The following XRCC3 variants were observed in gnomAD, a reference collection of about 807,000 sequenced individuals.
XRCC3 encodes X-ray repair cross complementing 3, also known as DNA repair protein XRCC3.
A neutral mutation model predicts 29.2 loss-of-function variants in XRCC3; 34 were observed. That is an observed-to-expected ratio of 1.16 (90% CI 0.88 to 1.55). The LOEUF (loss-of-function observed/expected upper bound fraction) is 1.55, where lower values mean the gene tolerates loss of function less well. Among genes scored for constraint, XRCC3 ranks in the 40% most tolerant of loss-of-function variants. XRCC3 has a pLI of 0.00. For synonymous variants in XRCC3, 223 were observed against 211.3 expected (o/e 1.06, Z -0.48); for missense variants, 463 against 467.6 (o/e 0.99, Z 0.09).
At chr14:103,712,574 C>T (rs1261765320) in intron 2 of XRCC3, 1 of 152,654 alleles carries the variant, frequency 6.6e-6, no homozygotes, top group African/African-American at 2.4e-5. Context: ...GGAGTATGAA[C>T]CTCGCACCTG....
intron 6 of XRCC3, chr14:103,704,465 G>A (rs541750807): frequency 6.6e-6 from 1 of 152,402 alleles, no homozygotes; most frequent in Non-Finnish European, 1.5e-5. Context: ...GGAGTGCAGT[G>A]GTGCGATCTC....
intron 6 of XRCC3, chr14:103,705,103 T>A (rs2083387772): frequency 6.6e-6 from 1 of 152,226 alleles, no homozygotes; most frequent in African/African-American, 2.4e-5. Flanking sequence ...CCATTCTGTG[T>A]CAGAACTAAG....
At chr14:103,701,354 A>C in intron 7 of XRCC3, 2 of 756,536 alleles carry the variant, frequency 2.6e-6, no homozygotes, top group Non-Finnish European at 2.1e-6. Context: ...GATACTAATA[A>C]CCACACGGCT....
At chr14:103,712,465 C>T (rs934558819) in intron 2 of XRCC3, 1 of 152,682 alleles carries the variant, frequency 6.5e-6, no homozygotes, top group African/African-American at 2.4e-5. Context: ...CCAGGGAAGA[C>T]ACTACACTGC....
chr14:103,699,201 C>G, intron 8 of XRCC3, 22 bp from the exon 9 acceptor site: 2 of 1,553,930 alleles, frequency 1.3e-6, no homozygotes, highest in African/African-American at 1.4e-5. Context: ...CAGTCCAGGT[C>G]AGCTGCAACG....
Position 103,698,443 on chromosome 14 carries a change from T to G in XRCC3, c.*355A>C. The stretch of plus-strand genomic sequence containing the variant: ...GGGCAGGCCTCAGACGCAACCCCAG[T>G]TGGGCTTCCATGTGGAGAGAAGAAG... On this transcript the variant is annotated 3_prime_UTR_variant, in exon 10 of 10. Transcript: ENST00000555055. The G allele has an allele frequency of 5.8e-6, 2 of 343,586 alleles. No homozygotes were observed. Among genetic ancestry groups the G allele is most frequent in the Non-Finnish European group, 5.6e-6 (1 of 178,434 alleles). The allele number at this position is 343,586 out of a possible 1,614,324, so 21.3% of individuals were successfully genotyped here. A position where few individuals can be genotyped will look rare whatever the true frequency, so the allele number is the denominator to read the frequency against.
Position 103,708,625 on chromosome 14 carries a change from A to G in XRCC3, c.90T>C (p.Phe30=). ...KLKSVKEVLH[F]SGPDLKRLTN... is the part of the protein sequence containing the mutation. ...TCAGTCTCTTCAAGTCTGGTCCAGA[A>G]AAGTGTAAAACCTCCTTTACCGATT... The change falls in exon 5 of 10, where the codon TTT becomes TTC. Residue 30 remains phenylalanine (F), a synonymous_variant. Transcript: ENST00000555055. 1 of 1,614,234 alleles carries G rather than the reference A, an allele frequency of 6.2e-7. No individual in the cohort carries two copies. Among genetic ancestry groups the G allele is most frequent in the Non-Finnish European group, 8.5e-7 (1 of 1,180,034 alleles).
At chr14:103,703,397 T>A (rs2083309407) in intron 6 of XRCC3, 70 bp from the exon 7 acceptor site, 1 of 1,472,714 alleles carries the variant, frequency 6.8e-7, no homozygotes, top group Non-Finnish European at 9.2e-7. Flanking sequence ...ACAAATCAAG[T>A]GCAGATGTCT....
At chr14:103,706,440 G>A (rs2083440465) in intron 6 of XRCC3, 1 of 455,530 alleles carries the variant, frequency 2.2e-6, no homozygotes, top group African/African-American at 2.0e-5. Context: ...TAGTTTAAAA[G>A]TTAAGGAGCT....
intron 6 of XRCC3, chr14:103,703,603 T>C: frequency 2.1e-6 from 1 of 476,712 alleles, no homozygotes; most frequent in East Asian, 4.1e-5. Flanking sequence ...TGGGCTGGAA[T>C]GGCCACAGAT....
intron 4 of XRCC3, 21 bp downstream of exon 4, chr14:103,711,012 T>C: frequency 6.2e-7 from 1 of 1,613,708 alleles, no homozygotes; most frequent in Non-Finnish European, 8.5e-7. Context: ...ACACCCTTTA[T>C]GTAAATAGAA....
chr14:103,706,684 CTG>C (rs930207796), intron 6 of XRCC3: 11 of 436,948 alleles, frequency 2.5e-5, no homozygotes, highest in Non-Finnish European at 4.3e-5. Context: ...TCTGTGGACT[CTG>C]GGCTTGGCAG....
chr14:103,703,209 A>C lies in XRCC3; in HGVS notation c.525T>G (p.Phe175Leu), dbSNP rs2083298890. Residue 175 changes from phenylalanine (F) to leucine (L), a missense_variant, in exon 7 of 10, where the codon TTT (phenylalanine) becomes TTG (leucine). Physicochemically the swap from Phe to Leu is conservative, Grantham distance 22 (BLOSUM62 0). Coordinates refer to ENST00000555055, the MANE Select transcript of XRCC3 (RefSeq NM_005432.4). ...CGTGCTCGATGAAGATCTGGCTGCC[A>C]AATCGGAGCTTCTGAAGCAGCTCTC... ...VPGELLQKLRFGSQIFIEHVA... is the reference protein window; with the variant it reads ...VPGELLQKLRLGSQIFIEHVA... The C allele has an allele frequency of 6.4e-7, 1 of 1,570,624 alleles. No individual in the cohort carries two copies. The highest frequency in any genetic ancestry group is 8.6e-7 in the Non-Finnish European group (1 of 1,157,642).
At chr14:103,704,784 T>C (rs892512649) in intron 6 of XRCC3, 2 of 152,174 alleles carry the variant, frequency 1.3e-5, no homozygotes, top group African/African-American at 4.8e-5. Context: ...ACAGGAAGGC[T>C]TAGGGGGACT....
Position 103,699,477 on chromosome 14 carries a change from A to G in XRCC3, c.661T>C (p.Cys221Arg). Residue 221 changes from cysteine (C) to arginine (R), a missense_variant, in exon 8 of 10, where the codon TGT (cysteine) becomes CGT (arginine). By Grantham distance (180) the Cys-to-Arg change is radical. Transcript: ENST00000555055. ...GCGGAGGCCTGGCTGTCAAATTCACAGCGGAATGGGGCTGCCACCGAGTCG... is the reference window on the plus strand; with the variant it reads ...GCGGAGGCCTGGCTGTCAAATTCACGGCGGAATGGGGCTGCCACCGAGTCG... ...VIDSVAAPFR[C>R]EFDSQASAPR... The G allele has an allele frequency of 6.2e-7, 1 of 1,612,468 alleles. No individual in the cohort carries two copies. Among genetic ancestry groups the G allele is most frequent in the Non-Finnish European group, 8.5e-7 (1 of 1,179,890 alleles).
chr14:103,711,050 A>G lies in XRCC3; in HGVS notation c.38T>C (p.Ile13Thr). The G allele has an allele frequency of 3.1e-6, 5 of 1,614,168 alleles. No individual in the cohort carries two copies. The highest frequency in any genetic ancestry group is 4.2e-6 in the Non-Finnish European group (5 of 1,180,028). The change falls in exon 4 of 10, where the codon ATT becomes ACT. Residue 13 changes from isoleucine (I) to threonine (T), a missense_variant. Transcript: ENST00000555055. The stretch of plus-strand genomic sequence containing the variant: ...AAATGTACCTTTCTTAATTGCAGCA[A>G]TAATTCTGGGATTCAGGTCCAGTAG... ...LDLLDLNPRI[I>T]AAIKKAKLKS...
intron 6 of XRCC3, 44 bp downstream of exon 6, chr14:103,706,959 G>A (rs1256394854): frequency 1.3e-6 from 2 of 1,532,224 alleles, no homozygotes; most frequent in Non-Finnish European, 1.7e-6. Context: ...ACAAAGCAGG[G>A]GCCGCCCACC....
chr14:103,707,377 G>A, intron 5 of XRCC3, 162 bp from the exon 6 acceptor site: 1 of 864,988 alleles, frequency 1.2e-6, no homozygotes, highest in East Asian at 2.7e-5. Flanking sequence ...CAGGGAGGGG[G>A]GCCCAGCCGG....
intron 8 of XRCC3, 75 bp downstream of exon 8, chr14:103,699,289 C>T (rs2082890322): frequency 6.5e-7 from 1 of 1,544,158 alleles, no homozygotes; most frequent in African/African-American, 1.4e-5. Context: ...ACCCGCCCCA[C>T]CTCCAGACCG....
Sources: gnomAD v4.1 joint callset for allele counts on GRCh38, gnomAD v4.1.1 for gene constraint, MANE v1.5 for transcripts, NCBI Gene and HGNC (gene_info 2026-07-23, HGNC 2026-07-21) for gene names.